The following SPATS2L variants were observed in gnomAD, a reference collection of about 807,000 sequenced individuals.
SPATS2L encodes the protein spermatogenesis associated serine rich 2 like, also known as SPATS2-like protein.
In SPATS2L, 30 loss-of-function variants were observed where a neutral mutation model predicts 59.6. The observed-to-expected ratio is 0.50, with a 90% CI of 0.38 to 0.68. The LOEUF is 0.68. SPATS2L is among the 30% of genes least tolerant of loss of function. SPATS2L has a pLI of 0.00. For missense variants in SPATS2L, 615 were observed against 700.0 expected (o/e 0.88, Z 1.37); for synonymous variants, 252 against 263.5 (o/e 0.96, Z 0.42).
intron 11 of SPATS2L, among the ~76,000 whole-genome samples, chr2:200,470,994 T>A (rs1225132678): frequency 6.6e-6 from 1 of 152,024 alleles, no homozygotes; most frequent in Non-Finnish European, 1.5e-5. Context: ...CCCCCATCTC[T>A]ACTAAAAGTG....
In SPATS2L at chr2:200,390,598, TG is replaced by T. The variant is rs2082142325; in HGVS notation, c.39+1316del. 2.0e-5 allele frequency: 3 copies of T among 152,476 alleles called. No homozygotes were observed. In the South Asian group the frequency reaches 6.2e-4, roughly 32 times the overall value. The allele number at this position is 152,476 out of a possible 1,614,324, so 9.4% of individuals were successfully genotyped here. A position where few individuals can be genotyped will look rare whatever the true frequency, so the allele number is the denominator to read the frequency against. On this transcript the variant is annotated intron_variant, in intron 3 of 12. Transcript: ENST00000409140. Reference sequence around the variant, plus strand: ...GAAAAGCAAAGCAGATGCCTAAGGTTGACTAAGTTGAATGTGTTTGATGAGC... The same window carrying T: ...GAAAAGCAAAGCAGATGCCTAAGGTTACTAAGTTGAATGTGTTTGATGAGC...
intron 1 of SPATS2L, among the ~76,000 whole-genome samples, chr2:200,318,763 C>A (rs2079462317): frequency 6.6e-6 from 1 of 152,164 alleles, no homozygotes; most frequent in African/African-American, 2.4e-5. Context: ...GTGTAGAAAG[C>A]AGACAATGGA....
chr2:200,323,296 T>C (rs2079624870), intron 1 of SPATS2L, among the ~76,000 whole-genome samples: 1 of 152,168 alleles, frequency 6.6e-6, no homozygotes, highest in Admixed American at 6.5e-5. Context: ...CAGAGATCAT[T>C]TGGAGGGTCA....
chr2:200,380,143 C>T (rs962101758), intron 2 of SPATS2L, among the ~76,000 whole-genome samples: 4 of 152,178 alleles, frequency 2.6e-5, no homozygotes, highest in Admixed American at 6.5e-5. Flanking sequence ...CGTGCGTCCT[C>T]CTCCCCCTGT....
intron 2 of SPATS2L, among the ~76,000 whole-genome samples, chr2:200,374,896 A>G (rs1008207171): frequency 6.6e-6 from 1 of 152,236 alleles, no homozygotes. Flanking sequence ...CCTGTGCATT[A>G]TTTGAGCCAC....
intron 2 of SPATS2L, among the ~76,000 whole-genome samples, chr2:200,333,595 G>A (rs1417113366): frequency 6.6e-6 from 1 of 151,932 alleles, no homozygotes; most frequent in Non-Finnish European, 1.5e-5. Context: ...TTGGTGTGCT[G>A]CACCCATTAA....
chr2:200,388,122 A>G lies in SPATS2L; in HGVS notation c.-22-1101A>G, dbSNP rs114745092. Among the ~76,000 whole-genome samples the G allele has an allele frequency of 8.6e-3, 1,309 of 152,316 alleles. 9 individuals carry two copies. The highest frequency in any genetic ancestry group is 0.012 in the Non-Finnish European group (805 of 68,020). ...ACAATAAAAATTACAATGAAGATACATATGTATCAATCTGGAATGTTGCTC... is the reference window on the plus strand; with the variant it reads ...ACAATAAAAATTACAATGAAGATACGTATGTATCAATCTGGAATGTTGCTC... On this transcript the variant is annotated intron_variant, in intron 2 of 12. Transcript: ENST00000409140.
intron 2 of SPATS2L, among the ~76,000 whole-genome samples, chr2:200,363,454 C>G (rs2081174426): frequency 6.6e-6 from 1 of 152,204 alleles, no homozygotes. Flanking sequence ...TGGATTTTGA[C>G]AGTCACACTG....
At chr2:200,340,435 C>T (rs1378059140) in intron 2 of SPATS2L, among the ~76,000 whole-genome samples, 1 of 152,132 alleles carries the variant, frequency 6.6e-6, no homozygotes, top group Non-Finnish European at 1.5e-5. Flanking sequence ...AAACCAGAAA[C>T]AAGACAGCGT....
intron 3 of SPATS2L, among the ~76,000 whole-genome samples, chr2:200,404,092 C>G (rs1015886012): frequency 3.3e-5 from 5 of 152,208 alleles, no homozygotes; most frequent in Non-Finnish European, 7.3e-5. Flanking sequence ...CCAGTGGAAG[C>G]TTGTTTCATA....
chr2:200,387,406 A>C (rs1362223968), intron 2 of SPATS2L, among the ~76,000 whole-genome samples: 1 of 152,196 alleles, frequency 6.6e-6, no homozygotes, highest in Non-Finnish European at 1.5e-5. Context: ...GCATGTCCAA[A>C]TGCTTGTGTC....
In SPATS2L at chr2:200,416,497, A is replaced by G. The variant is rs577984241; in HGVS notation, c.198+69A>G. ...AACCTTCATGGTTGTTATCATTTTA[A>G]CAAGGCTGCCAATTTTTTGCTTCTT... is the stretch of plus-strand genomic sequence containing the variant. On this transcript the variant is annotated intron_variant, in intron 5 of 12. Transcript: ENST00000409140. 87 of 910,516 alleles carry G rather than the reference A, an allele frequency of 9.6e-5. No homozygotes were observed. The African/African-American group carries it at 1.4e-3, about 14-fold the overall frequency. The allele number at this position is 910,516 out of a possible 1,614,324, so 56.4% of individuals were successfully genotyped here. A position where few individuals can be genotyped will look rare whatever the true frequency, so the allele number is the denominator to read the frequency against.
chr2:200,352,944 A>T (rs2080791922), intron 2 of SPATS2L, among the ~76,000 whole-genome samples: 1 of 152,212 alleles, frequency 6.6e-6, no homozygotes, highest in Admixed American at 6.5e-5. Context: ...TCTCAAAGCC[A>T]CATTCCAATT....
intron 3 of SPATS2L, among the ~76,000 whole-genome samples, chr2:200,408,088 C>G (rs911500063): frequency 6.6e-6 from 1 of 152,088 alleles, no homozygotes; most frequent in African/African-American, 2.4e-5. Context: ...CACTTGCTGA[C>G]CAAGGGCTGC....
At chr2:200,380,134 G>A (rs1008719418) in intron 2 of SPATS2L, among the ~76,000 whole-genome samples, 6 of 152,122 alleles carry the variant, frequency 3.9e-5, no homozygotes, top group African/African-American at 7.2e-5. Flanking sequence ...AAAGCCTGCC[G>A]TGCGTCCTCC....
intron 1 of SPATS2L, among the ~76,000 whole-genome samples, chr2:200,326,318 G>A (rs1242786411): frequency 6.6e-6 from 1 of 152,088 alleles, no homozygotes; most frequent in Non-Finnish European, 1.5e-5. Flanking sequence ...TATATTCTGA[G>A]ATTGAAAACA....
chr2:200,335,903 G>A (rs879687535), intron 2 of SPATS2L, among the ~76,000 whole-genome samples: 24 of 152,336 alleles, frequency 1.6e-4, no homozygotes, highest in Admixed American at 1.2e-3. Context: ...GGGCATAGGC[G>A]AAGTCTCCTG....
chr2:200,454,121 TCAC>T, intron 8 of SPATS2L, among the ~76,000 whole-genome samples: 1 of 152,304 alleles, frequency 6.6e-6, no homozygotes, highest in South Asian at 2.1e-4. Context: ...GCAATTCCTC[TCAC>T]TCTAGTCTCC....
intron 1 of SPATS2L, chr2:200,308,755 TG>T: frequency 2.6e-6 from 1 of 383,622 alleles, no homozygotes; most frequent in South Asian, 5.0e-5. Flanking sequence ...GGGAAAAGAC[TG>T]TATTAATTGG....
Sources: gnomAD v4.1 joint callset for allele counts (sites outside exome capture counted in the v4.1 genomes callset) on GRCh38, gnomAD v4.1.1 for gene constraint, MANE v1.5 for transcripts, NCBI Gene and HGNC (gene_info 2026-07-23, HGNC 2026-07-21) for gene names.